Variants in FANCI observed in about 807,000 individuals in gnomAD.
FANCI encodes the protein FA complementation group I, also known as Fanconi anemia group I protein.
In FANCI, 156 loss-of-function variants were observed where a neutral mutation model predicts 176.1. The ratio of observed to expected loss-of-function variants is 0.89; its 90% CI spans 0.78 to 1.01. The LOEUF is 1.01. Ranked by LOEUF, FANCI falls within the 50% of genes least tolerant of loss-of-function variation. FANCI has a pLI of 0.00. For synonymous variants in FANCI, 613 were observed against 541.7 expected (o/e 1.13, Z -1.83); for missense variants, 1,678 against 1,534.1 (o/e 1.09, Z -1.57).
intron 10 of FANCI, among the ~76,000 whole-genome samples, chr15:89,269,817 G>GTT (rs578190068): frequency 1.4e-5 from 2 of 141,880 alleles, no homozygotes. Flanking sequence ...CCTTTGATTT[G>GTT]TTTTTTTTTT....
chr15:89,254,280 T>G (rs2052400385), intron 2 of FANCI, among the ~76,000 whole-genome samples: 1 of 152,160 alleles, frequency 6.6e-6, no homozygotes, highest in Non-Finnish European at 1.5e-5. Context: ...TTCATAACCA[T>G]TCCTCACTCA....
Position 89,269,690 on chromosome 15 carries a change from G to C in FANCI, c.882+1165G>C, listed in dbSNP as rs139136349. Among the ~76,000 whole-genome samples, 409 of 152,252 alleles carry C rather than the reference G, an allele frequency of 2.7e-3. 8 individuals are homozygous for C. Among genetic ancestry groups the C allele is most frequent in the East Asian group, 0.015 (77 of 5,190 alleles). ...TTCTGTCACAACTACTCAGCTTTAC[G>C]GTTCCAGCAAGAAGGCAGCCATAGA... On this transcript the variant is annotated intron_variant, in intron 10 of 37. Coordinates refer to ENST00000310775, the MANE Select transcript of FANCI (RefSeq NM_001113378.2).
intron 34 of FANCI, 40 bp from the exon 35 acceptor site, chr15:89,312,864 A>G (rs1329098835): frequency 2.1e-5 from 33 of 1,560,778 alleles, no homozygotes; most frequent in Non-Finnish European, 2.9e-5. Context: ...CTCCACAGAA[A>G]AATCATCAGG....
At chr15:89,276,564 A>C (rs2053419682) in intron 12 of FANCI, 147 bp from the exon 13 acceptor site, 2 of 818,674 alleles carry the variant, frequency 2.4e-6, no homozygotes, top group African/African-American at 1.7e-5. Flanking sequence ...GAATTCTGTC[A>C]GACGATGTGT....
intron 16 of FANCI, chr15:89,282,677 A>C: frequency 4.2e-6 from 1 of 235,308 alleles, no homozygotes; most frequent in Middle Eastern, 1.7e-3. Context: ...CTTTAACATG[A>C]ATTAATCATT....
chr15:89,261,858 T>A lies in FANCI; in HGVS notation c.483T>A (p.Ile161=), dbSNP rs752942226. 2.5e-6 allele frequency: 4 copies of A among 1,613,980 alleles called. No individual in the cohort carries two copies. In the African/African-American group the frequency reaches 5.3e-5, roughly 22 times the overall value. The change falls in exon 6 of 38, where the codon ATT becomes ATA. Residue 161 remains isoleucine, a synonymous_variant. Coordinates refer to ENST00000310775, the MANE Select transcript of FANCI (RefSeq NM_001113378.2). The stretch of plus-strand genomic sequence containing the variant: ...GGGAAGAATGTAAGAAACAGTTGAT[T>A]AACACCCTGTGTTCTGGCAGGTGAG... ...LSGEECKKQL[I]NTLCSGRWDQ...
chr15:89,294,877 ATC>A, intron 23 of FANCI, 36 bp from the exon 24 acceptor site: 1 of 1,543,236 alleles, frequency 6.5e-7, no homozygotes, highest in Non-Finnish European at 8.8e-7. Flanking sequence ...CAGTAAGGGA[ATC>A]TTCCTTTTTC....
At chr15:89,251,974 T>C (rs1225692190) in intron 2 of FANCI, among the ~76,000 whole-genome samples, 2 of 152,192 alleles carry the variant, frequency 1.3e-5, no homozygotes, top group Non-Finnish European at 2.9e-5. Flanking sequence ...CCTATGCATT[T>C]AACCTAGAGA....
intron 6 of FANCI, 97 bp downstream of exon 6, chr15:89,261,975 T>C: frequency 1.9e-6 from 2 of 1,051,508 alleles, no homozygotes; most frequent in Non-Finnish European, 2.9e-6. Context: ...TTTTAAGTCC[T>C]TCTTTTTTGT....
chr15:89,270,007 C>T (rs140951541), intron 10 of FANCI, among the ~76,000 whole-genome samples: 1,721 of 152,202 alleles, frequency 0.011, 29 homozygotes, highest in African/African-American at 0.039. Context: ...GGTGGGGTTT[C>T]GCCATATTGG....
intron 24 of FANCI, among the ~76,000 whole-genome samples, chr15:89,297,488 C>T (rs1347497108): frequency 3.9e-5 from 6 of 152,240 alleles, no homozygotes; most frequent in Non-Finnish European, 7.4e-5. Context: ...ACTGAGTGAA[C>T]GAGACTCCGT....
At chr15:89,313,073 C>T (rs2151992839) in intron 35 of FANCI, 101 bp downstream of exon 35, 1 of 1,131,106 alleles carries the variant, frequency 8.8e-7, no homozygotes, top group Non-Finnish European at 1.3e-6. Context: ...TGTATGATTC[C>T]ATTTTCATGA....
rs73475356 is a variant in FANCI, at chr15:89,247,480, A to G, written c.-19-149A>G. ...CCACTGAGCTTAAGAAGAAGAAGAA[A>G]AAAGAATCAGCTACTTAAAGATAGT... On this transcript the variant is annotated intron_variant, in intron 1 of 37. Transcript: ENST00000310775. The G allele has an allele frequency of 0.074, 47,520 of 646,390 alleles. 2,123 individuals are homozygous for G. The highest frequency in any genetic ancestry group is 0.17 in the African/African-American group (9,350 of 55,110). 40.0% of individuals were successfully genotyped at this position (646,390 alleles called of 1,614,324 possible).
At chr15:89,260,499 A>T (rs2052669264) in intron 3 of FANCI, among the ~76,000 whole-genome samples, 1 of 152,250 alleles carries the variant, frequency 6.6e-6, no homozygotes, top group African/African-American at 2.4e-5. Flanking sequence ...TTAAAATAAT[A>T]GGTAGATGAA....
At chr15:89,298,549 T>C (rs879179498) in intron 24 of FANCI, among the ~76,000 whole-genome samples, 1 of 151,798 alleles carries the variant, frequency 6.6e-6, no homozygotes, top group African/African-American at 2.4e-5. Context: ...ACTTCCACAT[T>C]AAGAAAATAG....
intron 28 of FANCI, among the ~76,000 whole-genome samples, chr15:89,304,434 G>C (rs994397365): frequency 1.3e-5 from 2 of 152,190 alleles, no homozygotes; most frequent in African/African-American, 4.8e-5. Context: ...GTAGAATTCC[G>C]TTTAGATGAA....
intron 13 of FANCI, 137 bp downstream of exon 13, chr15:89,277,028 G>A: frequency 1.2e-6 from 1 of 843,246 alleles, no homozygotes; most frequent in Non-Finnish European, 2.0e-6. Context: ...ACAGAGATTA[G>A]GATAATATTG....
rs2053658884 is a variant in FANCI at position 89,282,646 on chromosome 15, T to C, written c.1584-490T>C. 2.4e-5 allele frequency: 5 copies of C among 211,558 alleles called. No individual in the cohort carries two copies. The South Asian group carries it at 4.2e-4, about 18-fold the overall frequency. 13.1% of individuals were successfully genotyped at this position (211,558 alleles called of 1,614,324 possible). On this transcript the variant is annotated intron_variant, in intron 16 of 37. Coordinates refer to ENST00000310775, the MANE Select transcript of FANCI (RefSeq NM_001113378.2). Reference sequence around the variant, plus strand: ...TCACCCAAAGGCATAGCGAATAGACTGAGATATTACGTTGTAACATCTTTA... The same window carrying C: ...TCACCCAAAGGCATAGCGAATAGACCGAGATATTACGTTGTAACATCTTTA...
chr15:89,256,065 G>A (rs1190063854), intron 2 of FANCI, among the ~76,000 whole-genome samples: 1 of 152,176 alleles, frequency 6.6e-6, no homozygotes, highest in African/African-American at 2.4e-5. Context: ...TCTGGATCCA[G>A]CTTTTTTTCC....
Sources: allele counts gnomAD v4.1 joint callset (sites outside exome capture counted in the v4.1 genomes callset), GRCh38; gene constraint gnomAD v4.1.1; transcripts MANE v1.5; gene names NCBI Gene and HGNC (gene_info 2026-07-23, HGNC 2026-07-21).